PSKH1: variants seen among roughly 807,000 people sequenced by gnomAD.
The protein encoded by PSKH1 is protein serine kinase H1.
A neutral mutation model predicts 26.7 loss-of-function variants in PSKH1; 12 were observed. That is an observed-to-expected ratio of 0.45 (90% confidence interval 0.29 to 0.73). The LOEUF (loss-of-function observed/expected upper bound fraction) is 0.73, where lower values mean the gene tolerates loss of function less well. Among genes scored for constraint, PSKH1 ranks in the 30% least tolerant of loss-of-function variants. The probability of loss-of-function intolerance (pLI) is 0.11; values close to 1 mark genes in which losing one functional copy is unlikely to be tolerated. For missense variants in PSKH1, 431 were observed against 595.2 expected, an observed-to-expected ratio of 0.72 and a Z score of 2.87; for synonymous variants, 213 against 234.3, an observed-to-expected ratio of 0.91 and a Z score of 0.83.
At position 67,927,847 on chromosome 16, in the gene PSKH1, G is replaced by A. The variant is rs1841793988; in HGVS notation, c.*205G>A. 2 of 637,068 alleles carry A rather than the reference G, an allele frequency of 3.1e-6. No homozygotes were observed. The highest frequency in any genetic ancestry group is 2.8e-5 in the East Asian group (1 of 35,598). The allele number at this position is 637,068 out of a possible 1,614,324, so 39.5% of individuals were successfully genotyped here. ...GGTGTGACAGAGTAGAGGTAGCACA[G>A]GGGGCTGTGACTCCCCCTGAACTGG... On this transcript the variant is annotated 3_prime_UTR_variant, in exon 3 of 3. Coordinates refer to ENST00000291041, the MANE Select transcript of PSKH1 (RefSeq NM_006742.3). This position sits in a 1 kb window ranked among gnomAD's most constrained non-coding sequence, Gnocchi z 5.5.
chr16:67,927,794 C>A lies in PSKH1; in HGVS notation c.*152C>A. 1.1e-6 allele frequency: 1 copy of A among 937,726 alleles called. No homozygotes were observed. The highest frequency in any genetic ancestry group is 1.6e-6 in the Non-Finnish European group (1 of 642,356). 58.1% of individuals were successfully genotyped at this position (937,726 alleles called of 1,614,324 possible). ...AGCCCTTTCTCTGTGCCTTCAGCAG[C>A]CCCTGTCCTCACCATGGGCCTGGGC... On this transcript the variant is annotated 3_prime_UTR_variant, in exon 3 of 3. Coordinates refer to ENST00000291041, the MANE Select transcript of PSKH1 (RefSeq NM_006742.3). The surrounding 1 kb of genome is among the most constrained non-coding windows in gnomAD (Gnocchi z 5.5).
At chr16:67,916,035 G>A (rs1435736865) in intron 2 of PSKH1, among the ~76,000 whole-genome samples, 1 of 152,196 alleles carries the variant, frequency 6.6e-6, no homozygotes, top group East Asian at 1.9e-4. Flanking sequence ...GGGCAGTCTG[G>A]AACATGGACT....
chr16:67,895,212 T>G (rs1409396191), intron 1 of PSKH1, among the ~76,000 whole-genome samples: 5 of 151,726 alleles, frequency 3.3e-5, no homozygotes, highest in South Asian at 2.1e-4. Flanking sequence ...CATAAGCCAC[T>G]ATGCCTGGCT....
chr16:67,894,515 C>G (rs1436761697), intron 1 of PSKH1, among the ~76,000 whole-genome samples: 1 of 152,212 alleles, frequency 6.6e-6, no homozygotes, highest in Non-Finnish European at 1.5e-5. Flanking sequence ...CGACCACCTA[C>G]CAGTGTTGGA....
chr16:67,910,393 C>G (rs1829713234), intron 2 of PSKH1, among the ~76,000 whole-genome samples: 1 of 152,256 alleles, frequency 6.6e-6, no homozygotes, highest in Non-Finnish European at 1.5e-5. Context: ...ACATGCCCAT[C>G]TCAGAGAGCA....
chr16:67,925,566 G>T (rs537384769), intron 2 of PSKH1, among the ~76,000 whole-genome samples: 1 of 152,084 alleles, frequency 6.6e-6, no homozygotes, highest in East Asian at 1.9e-4. Context: ...TGCTCTCTGC[G>T]CCCACCCACA....
chr16:67,905,977 G>A (rs1237581898), intron 1 of PSKH1, among the ~76,000 whole-genome samples: 1 of 152,024 alleles, frequency 6.6e-6, no homozygotes, highest in Non-Finnish European at 1.5e-5. Flanking sequence ...CTTGGACCAT[G>A]TTTTATTTAT....
At chr16:67,902,539 G>T (rs140736884) in intron 1 of PSKH1, among the ~76,000 whole-genome samples, 2 of 151,962 alleles carry the variant, frequency 1.3e-5, no homozygotes, top group Non-Finnish European at 2.9e-5. Context: ...CTTGTGATCC[G>T]CCCACCTCAG....
intron 1 of PSKH1, among the ~76,000 whole-genome samples, chr16:67,901,661 G>A (rs368301889): frequency 2.3e-4 from 34 of 146,450 alleles, no homozygotes; most frequent in African/African-American, 8.5e-4. Flanking sequence ...TGGAGACATG[G>A]TCTTGCTCTG....
At chr16:67,911,114 TGAA>T (rs745363254) in intron 2 of PSKH1, among the ~76,000 whole-genome samples, 1 of 152,180 alleles carries the variant, frequency 6.6e-6, no homozygotes, top group Admixed American at 6.5e-5. Context: ...GGGAAGGCTG[TGAA>T]GAAGAGAGTC....
rs1271243817 is a variant in PSKH1, at chr16:67,893,347, C to T, written c.-95C>T. The stretch of plus-strand genomic sequence containing the variant: ...GATGGCCGGCAGAGCCGCCGAGACG[C>T]CGAAGAGCCCGCCGCCCGCGCGAGG... On this transcript the variant is annotated 5_prime_UTR_variant, in exon 1 of 3. Transcript: ENST00000291041. The T allele has an allele frequency of 6.5e-6, 1 of 153,572 alleles. No individual in the cohort carries two copies. The highest frequency in any genetic ancestry group is 1.9e-4 in the East Asian group (1 of 5,272). 9.5% of individuals were successfully genotyped at this position (153,572 alleles called of 1,614,324 possible).
intron 2 of PSKH1, among the ~76,000 whole-genome samples, chr16:67,915,889 G>A (rs1463039981): frequency 2.0e-5 from 3 of 152,192 alleles, no homozygotes; most frequent in Non-Finnish European, 2.9e-5. Flanking sequence ...TGCAAGAGAC[G>A]TGAAGGCCTG....
intron 1 of PSKH1, among the ~76,000 whole-genome samples, chr16:67,902,252 T>G (rs2058143923): frequency 6.7e-6 from 1 of 149,872 alleles, no homozygotes; most frequent in Non-Finnish European, 1.5e-5. Context: ...AAAGCGAGAC[T>G]CCATCTCAAA....
At chr16:67,910,917 T>A (rs1251127876) in intron 2 of PSKH1, among the ~76,000 whole-genome samples, 1 of 152,256 alleles carries the variant, frequency 6.6e-6, no homozygotes, top group Non-Finnish European at 1.5e-5. Flanking sequence ...TGTCAGTTTG[T>A]GTCTTTGGAT....
intron 1 of PSKH1, among the ~76,000 whole-genome samples, chr16:67,904,100 A>G (rs2058149285): frequency 1.3e-5 from 2 of 148,562 alleles, no homozygotes; most frequent in African/African-American, 5.0e-5. Flanking sequence ...ACTGCAACCT[A>G]TGCCTCCCAG....
At chr16:67,919,241 G>A (rs988650486) in intron 2 of PSKH1, among the ~76,000 whole-genome samples, 1 of 152,172 alleles carries the variant, frequency 6.6e-6, no homozygotes, top group African/African-American at 2.4e-5. Flanking sequence ...TTAATTGCCT[G>A]ACTTTTCTCA....
At position 67,928,840 on chromosome 16, in the gene PSKH1, G is replaced by C. The variant is rs1283041826; in HGVS notation, c.*1198G>C. ...CTGCTCACCTCTCCCCTTCTGCTGA[G>C]CTTCTGCGCACCCCTCCCTGGAACT... On this transcript the variant is annotated 3_prime_UTR_variant, in exon 3 of 3. Coordinates refer to ENST00000291041, the MANE Select transcript of PSKH1 (RefSeq NM_006742.3). The surrounding 1 kb of genome is among the most constrained non-coding windows in gnomAD (Gnocchi z 4.8). The C allele has an allele frequency of 6.6e-6, 1 of 152,468 alleles. No individual in the cohort carries two copies. The highest frequency in any genetic ancestry group is 1.9e-4 in the East Asian group (1 of 5,188). The allele number at this position is 152,468 out of a possible 1,614,324, so 9.4% of individuals were successfully genotyped here. A position where few individuals can be genotyped will look rare whatever the true frequency, so the allele number is the denominator to read the frequency against.
intron 1 of PSKH1, among the ~76,000 whole-genome samples, chr16:67,904,722 T>TC (rs1567398049): frequency 6.6e-6 from 1 of 151,642 alleles, no homozygotes; most frequent in East Asian, 1.9e-4. Flanking sequence ...ACTCAAGCTA[T>TC]CCCCCCACCT....
intron 2 of PSKH1, among the ~76,000 whole-genome samples, chr16:67,910,362 GCCCCAGC>G (rs1318742777): frequency 3.9e-5 from 6 of 152,206 alleles, no homozygotes; most frequent in Non-Finnish European, 7.4e-5. Flanking sequence ...GCTCTGTGGG[GCCCCAGC>G]CAAGCTAGAC....
Sources: gnomAD v4.1 joint callset for allele counts (sites outside exome capture counted in the v4.1 genomes callset) on GRCh38, gnomAD v4.1.1 for gene constraint, Gnocchi (gnomAD v3.1) non-coding constraint, MANE v1.5 for transcripts, NCBI Gene and HGNC (gene_info 2026-07-23, HGNC 2026-07-21) for gene names.